Variants in C8orf34 observed in about 807,000 individuals in gnomAD.
C8orf34 encodes the protein chromosome 8 open reading frame 34, also known as uncharacterized protein C8orf34.
Under a neutral mutation model 68.3 loss-of-function variants are expected in C8orf34, and 65 were observed. That is an observed-to-expected ratio of 0.95 (90% CI 0.78 to 1.17). The LOEUF (loss-of-function observed/expected upper bound fraction) is 1.17, where lower values mean the gene tolerates loss of function less well. Ranked by LOEUF, C8orf34 falls within the 50% of genes most tolerant of loss-of-function variation. The pLI, the probability that C8orf34 is intolerant of heterozygous loss-of-function variation, is 0.00. For missense variants in C8orf34, 664 were observed against 655.4 expected (o/e 1.01, Z -0.14); for synonymous variants, 244 against 241.2 (o/e 1.01, Z -0.11).
At chr8:68,567,474 A>G (rs1816625254) in intron 7 of C8orf34, among the ~76,000 whole-genome samples, 1 of 139,562 alleles carries the variant, frequency 7.2e-6, no homozygotes, top group African/African-American at 2.7e-5. Context: ...AATATCTCCC[A>G]TTTTGTTTCT....
chr8:68,590,071 AGAAAG>A (rs1817340260), intron 7 of C8orf34, among the ~76,000 whole-genome samples: 1 of 151,268 alleles, frequency 6.6e-6, no homozygotes, highest in African/African-American at 2.4e-5. Context: ...AAGAAAAGAA[AGAAAG>A]GAAAGAATGA....
chr8:68,339,174 T>C (rs1380033215), intron 1 of C8orf34, among the ~76,000 whole-genome samples: 1 of 152,044 alleles, frequency 6.6e-6, no homozygotes, highest in Non-Finnish European at 1.5e-5. Context: ...ATTCAGATTG[T>C]GTTGAATTTA....
intron 11 of C8orf34, among the ~76,000 whole-genome samples, chr8:68,782,069 A>T (rs953595658): frequency 3.9e-5 from 6 of 152,200 alleles, no homozygotes; most frequent in African/African-American, 1.4e-4. Flanking sequence ...AATATTTTTA[A>T]ATTAAAAACA....
At chr8:68,350,189 A>G (rs72662999) in intron 1 of C8orf34, among the ~76,000 whole-genome samples, 4,330 of 151,806 alleles carry the variant, frequency 0.029, 83 homozygotes, top group Middle Eastern at 0.065. Flanking sequence ...ATTTTCAAAG[A>G]ACTTCTAGAT....
chr8:68,575,801 G>C (rs1473407269), intron 7 of C8orf34, among the ~76,000 whole-genome samples: 1 of 151,828 alleles, frequency 6.6e-6, no homozygotes, highest in Non-Finnish European at 1.5e-5. Context: ...TATCATTTTT[G>C]TTGAGATTTA....
At chr8:68,759,376 T>C (rs1822962351) in intron 10 of C8orf34, among the ~76,000 whole-genome samples, 2 of 152,360 alleles carry the variant, frequency 1.3e-5, no homozygotes, top group East Asian at 1.9e-4. Flanking sequence ...TAGTCTTTCT[T>C]TATGCTGAAG....
rs529397172 is a variant in C8orf34, at chr8:68,774,904, C to T, written c.1405-1495C>T. Among the ~76,000 whole-genome samples the T allele has an allele frequency of 2.6e-4, 36 of 136,318 alleles. No individual in the cohort carries two copies. The South Asian group carries it at 3.6e-3, about 14-fold the overall frequency. The allele number at this position is 136,318 out of a possible 152,430, so 89.4% of individuals were successfully genotyped here. ...GGCAGATTACCTGAAGTCAGGAGTT[C>T]GAGACCACCCTTTCCAACATGATGA... On this transcript the variant is annotated intron_variant, in intron 10 of 13. Coordinates refer to ENST00000518698, the MANE Select transcript of C8orf34 (RefSeq NM_052958.4).
At chr8:68,522,485 T>A (rs1814798600) in intron 6 of C8orf34, among the ~76,000 whole-genome samples, 1 of 152,200 alleles carries the variant, frequency 6.6e-6, no homozygotes, top group Admixed American at 6.5e-5. Flanking sequence ...TTAACATATA[T>A]ATTCTTTGTT....
At chr8:68,679,573 A>G (rs999815381) in intron 8 of C8orf34, among the ~76,000 whole-genome samples, 4 of 152,160 alleles carry the variant, frequency 2.6e-5, no homozygotes, top group African/African-American at 9.7e-5. Flanking sequence ...GAAAAAAACC[A>G]CTATCTTTTA....
At chr8:68,343,129 A>G (rs947030300) in intron 1 of C8orf34, among the ~76,000 whole-genome samples, 1 of 152,200 alleles carries the variant, frequency 6.6e-6, no homozygotes, top group African/African-American at 2.4e-5. Context: ...AATAATCTAA[A>G]TGCAATTAGA....
Position 68,763,158 on chromosome 8 carries a change from A to G in C8orf34, c.1405-13241A>G, listed in dbSNP as rs145106014. Among the ~76,000 whole-genome samples the G allele has an allele frequency of 5.9e-5, 9 of 152,316 alleles. No homozygotes were observed. In the South Asian group the frequency reaches 1.7e-3, roughly 28 times the overall value. ...ACAATAGTCTTGGACTAAACTCCCA[A>G]TGAATGAATTTGTAAACAAAAATTT... is the stretch of plus-strand genomic sequence containing the variant. On this transcript the variant is annotated intron_variant, in intron 10 of 13. Coordinates refer to ENST00000518698, the MANE Select transcript of C8orf34 (RefSeq NM_052958.4).
chr8:68,709,059 A>G lies in C8orf34; in HGVS notation c.1307A>G (p.Glu436Gly). 2 of 1,612,248 alleles carry G rather than the reference A, an allele frequency of 1.2e-6. No homozygotes were observed. The highest frequency in any genetic ancestry group is 1.7e-6 in the Non-Finnish European group (2 of 1,179,016). ...CTACCAATACTCCATTCTCCAGATGAAAAAATCCCAGATTCATTCGGTAAG... is the reference window on the plus strand; with the variant it reads ...CTACCAATACTCCATTCTCCAGATGGAAAAATCCCAGATTCATTCGGTAAG... ...ESLPILHSPD[E>G]KIPDSFDSLP... Residue 436 changes from glutamate (E) to glycine (G), a missense_variant, in exon 9 of 14, where the codon GAA (glutamate) becomes GGA (glycine). Transcript: ENST00000518698.
chr8:68,705,881 A>G (rs1158545251), intron 8 of C8orf34, among the ~76,000 whole-genome samples: 1 of 152,170 alleles, frequency 6.6e-6, no homozygotes, highest in East Asian at 1.9e-4. Context: ...TTTCCAGCAT[A>G]ATGGATAGTC....
intron 11 of C8orf34, 134 bp from the exon 12 acceptor site, chr8:68,787,309 T>A: frequency 1.9e-6 from 1 of 532,514 alleles, no homozygotes; most frequent in Non-Finnish European, 3.3e-6. Context: ...AAGTTAGAGC[T>A]CTCCTTTTTT....
At chr8:68,536,880 T>A (rs1815500595) in intron 7 of C8orf34, among the ~76,000 whole-genome samples, 1 of 152,170 alleles carries the variant, frequency 6.6e-6, no homozygotes. Flanking sequence ...TTATCTGTTT[T>A]AAAATGAATA....
intron 7 of C8orf34, among the ~76,000 whole-genome samples, chr8:68,604,084 T>C (rs1563556203): frequency 6.6e-6 from 1 of 152,078 alleles, no homozygotes; most frequent in South Asian, 2.1e-4. Context: ...AATTATTGTA[T>C]GGAAAGCACT....
intron 2 of C8orf34, among the ~76,000 whole-genome samples, chr8:68,445,411 A>G (rs1811079642): frequency 1.3e-5 from 2 of 152,190 alleles, no homozygotes; most frequent in Admixed American, 1.3e-4. Context: ...GAGTTGAAGA[A>G]AGAGTTATCA....
At chr8:68,619,619 A>G (rs1001391860) in intron 7 of C8orf34, among the ~76,000 whole-genome samples, 1 of 152,152 alleles carries the variant, frequency 6.6e-6, no homozygotes, top group East Asian at 1.9e-4. Flanking sequence ...TAAAATAAGG[A>G]GGTTACTTAC....
chr8:68,573,748 A>G (rs1329818186), intron 7 of C8orf34, among the ~76,000 whole-genome samples: 1 of 152,168 alleles, frequency 6.6e-6, no homozygotes, highest in Non-Finnish European at 1.5e-5. Flanking sequence ...TTCCCCTGGA[A>G]TTGTTCAATG....
Sources: allele counts gnomAD v4.1 joint callset (sites outside exome capture counted in the v4.1 genomes callset), GRCh38; gene constraint gnomAD v4.1.1; transcripts MANE v1.5; gene names NCBI Gene and HGNC (gene_info 2026-07-23, HGNC 2026-07-21).